Variants in CYP7B1 observed in about 807,000 individuals in gnomAD.
The protein encoded by CYP7B1 is cytochrome P450 7B1.
CYP7B1 carries 29 observed loss-of-function variants against 42.7 expected under a neutral mutation model. The ratio of observed to expected loss-of-function variants is 0.68; its 90% CI spans 0.51 to 0.93. CYP7B1 has a LOEUF of 0.93. Among genes scored for constraint, CYP7B1 ranks in the 40% least tolerant of loss-of-function variants. The probability of loss-of-function intolerance (pLI) is 0.00; values close to 1 mark genes in which losing one functional copy is unlikely to be tolerated. For synonymous variants in CYP7B1, 235 were observed against 218.2 expected (o/e 1.08, Z -0.68); for missense variants, 655 against 600.5 (o/e 1.09, Z -0.95).
chr8:64,609,151 T>C (rs1805328792), intron 4 of CYP7B1, among the ~76,000 whole-genome samples: 1 of 152,202 alleles, frequency 6.6e-6, no homozygotes, highest in African/African-American at 2.4e-5. Flanking sequence ...GTTGCTTTTA[T>C]TTATTTAATT....
At chr8:64,606,864 C>T (rs1805290818) in intron 4 of CYP7B1, among the ~76,000 whole-genome samples, 1 of 152,140 alleles carries the variant, frequency 6.6e-6, no homozygotes, top group African/African-American at 2.4e-5. Flanking sequence ...AGAATAACAT[C>T]CAGACACAAA....
At chr8:64,773,525 T>C (rs910209988) in intron 1 of CYP7B1, among the ~76,000 whole-genome samples, 1 of 152,204 alleles carries the variant, frequency 6.6e-6, no homozygotes, top group Non-Finnish European at 1.5e-5. Context: ...GGGTATCCCA[T>C]AGACACTGTA....
chr8:64,635,243 T>C (rs1284484937), intron 1 of CYP7B1, among the ~76,000 whole-genome samples: 1 of 152,268 alleles, frequency 6.6e-6, no homozygotes, highest in Non-Finnish European at 1.5e-5. Flanking sequence ...AGAAAAATTA[T>C]GCAATTCATT....
intron 2 of CYP7B1, among the ~76,000 whole-genome samples, chr8:64,618,073 GT>G (rs1448569226): frequency 6.7e-6 from 1 of 149,560 alleles, no homozygotes; most frequent in Non-Finnish European, 1.5e-5. Context: ...AAATTTGTGT[GT>G]GTGTATGTGC....
At chr8:64,697,571 G>A (rs1212396607) in intron 1 of CYP7B1, among the ~76,000 whole-genome samples, 2 of 152,196 alleles carry the variant, frequency 1.3e-5, no homozygotes, top group Non-Finnish European at 2.9e-5. Context: ...CTGGAGGGAG[G>A]AGGGCTGAAG....
intron 1 of CYP7B1, among the ~76,000 whole-genome samples, chr8:64,732,637 T>C (rs1807429609): frequency 6.6e-6 from 1 of 151,960 alleles, no homozygotes; most frequent in African/African-American, 2.4e-5. Context: ...AAAGATGAGA[T>C]TTGTGAGGGG....
chr8:64,685,874 TG>T (rs1251484974), intron 1 of CYP7B1, among the ~76,000 whole-genome samples: 2 of 23,990 alleles, frequency 8.3e-5, no homozygotes, highest in South Asian at 1.3e-3. Flanking sequence ...GGGAGGGAGG[TG>T]GGGGGGTCAG....
At chr8:64,657,886 C>CA (rs1806144732) in intron 1 of CYP7B1, among the ~76,000 whole-genome samples, 1 of 152,138 alleles carries the variant, frequency 6.6e-6, no homozygotes, top group Non-Finnish European at 1.5e-5. Flanking sequence ...TAATGAAATA[C>CA]AAAAATGGTG....
intron 1 of CYP7B1, among the ~76,000 whole-genome samples, chr8:64,705,639 G>A (rs531301226): frequency 6.6e-6 from 1 of 151,920 alleles, no homozygotes; most frequent in African/African-American, 2.4e-5. Flanking sequence ...CGGTTTTGCA[G>A]TTAAGGTACA....
At chr8:64,599,349 C>T (rs933463719) in intron 5 of CYP7B1, among the ~76,000 whole-genome samples, 1 of 152,002 alleles carries the variant, frequency 6.6e-6, no homozygotes, top group Non-Finnish European at 1.5e-5. Flanking sequence ...CCACCACGCC[C>T]GGCTAATTTT....
intron 1 of CYP7B1, among the ~76,000 whole-genome samples, chr8:64,672,396 G>A (rs976198494): frequency 2.3e-4 from 35 of 152,090 alleles, no homozygotes; most frequent in African/African-American, 8.0e-4. Flanking sequence ...GTCCAAAGCA[G>A]AACAAATATC....
intron 1 of CYP7B1, among the ~76,000 whole-genome samples, chr8:64,786,802 A>G (rs1804534985): frequency 6.6e-6 from 1 of 152,156 alleles, no homozygotes; most frequent in Non-Finnish European, 1.5e-5. Context: ...TGAGGGCTCC[A>G]CCCCTGTAAC....
intron 1 of CYP7B1, among the ~76,000 whole-genome samples, chr8:64,697,114 T>G (rs1806840549): frequency 6.6e-6 from 1 of 152,224 alleles, no homozygotes; most frequent in Admixed American, 6.5e-5. Flanking sequence ...ACTGCCAATC[T>G]GTTTGGAGAA....
intron 1 of CYP7B1, among the ~76,000 whole-genome samples, chr8:64,756,518 C>A (rs1801872150): frequency 6.6e-6 from 1 of 152,162 alleles, no homozygotes; most frequent in African/African-American, 2.4e-5. Flanking sequence ...GGAAAGGAAC[C>A]AGAATGGGGG....
At chr8:64,742,792 G>A (rs1807589283) in intron 1 of CYP7B1, among the ~76,000 whole-genome samples, 1 of 152,094 alleles carries the variant, frequency 6.6e-6, no homozygotes, top group Admixed American at 6.6e-5. Flanking sequence ...ATTGGTCTTG[G>A]AGAATTTAGT....
At chr8:64,666,104 T>C (rs935355072) in intron 1 of CYP7B1, among the ~76,000 whole-genome samples, 3 of 152,224 alleles carry the variant, frequency 2.0e-5, no homozygotes, top group Admixed American at 6.5e-5. Context: ...ATTGGCACTA[T>C]GGTTAATTTT....
At chr8:64,672,533 T>C (rs1806382014) in intron 1 of CYP7B1, among the ~76,000 whole-genome samples, 1 of 152,140 alleles carries the variant, frequency 6.6e-6, no homozygotes, top group Non-Finnish European at 1.5e-5. Flanking sequence ...ATTTCATCTT[T>C]CTTACCTATG....
intron 1 of CYP7B1, among the ~76,000 whole-genome samples, chr8:64,655,990 C>T (rs746419341): frequency 1.3e-5 from 2 of 152,000 alleles, no homozygotes; most frequent in Non-Finnish European, 2.9e-5. Context: ...AAGGGAACAA[C>T]AGACACTGGG....
At chr8:64,762,963 C>T (rs1289289134) in intron 1 of CYP7B1, among the ~76,000 whole-genome samples, 1 of 152,082 alleles carries the variant, frequency 6.6e-6, no homozygotes, top group East Asian at 1.9e-4. Flanking sequence ...ATGGGCAACC[C>T]CCTTTGGGTC....
Sources: gnomAD v4.1 joint callset for allele counts (sites outside exome capture counted in the v4.1 genomes callset) on GRCh38, gnomAD v4.1.1 for gene constraint, MANE v1.5 for transcripts, NCBI Gene and HGNC (gene_info 2026-07-23, HGNC 2026-07-21) for gene names.